The following CEACAM21 variants were observed in gnomAD, a reference collection of about 807,000 sequenced individuals.
CEACAM21 encodes the protein CEA cell adhesion molecule 21, also known as cell adhesion molecule CEACAM21.
In CEACAM21, 38 loss-of-function variants were observed where a neutral mutation model predicts 33.2. The observed-to-expected ratio is 1.14, with a 90% confidence interval of 0.88 to 1.50. The LOEUF (loss-of-function observed/expected upper bound fraction) is 1.50. Ranked by LOEUF, CEACAM21 falls within the 40% of genes most tolerant of loss-of-function variation. CEACAM21 has a pLI of 0.00. For synonymous variants in CEACAM21, 156 were observed against 143.0 expected (o/e 1.09, Z -0.65); for missense variants, 385 against 364.6 (o/e 1.06, Z -0.46).
chr19:41,559,312 A>G (rs2041727612), intron 1 of CEACAM21, among the ~76,000 whole-genome samples: 1 of 152,266 alleles, frequency 6.6e-6, no homozygotes, highest in South Asian at 2.1e-4. Flanking sequence ...AACATTTCAA[A>G]TAAAACATCA....
intron 1 of CEACAM21, among the ~76,000 whole-genome samples, chr19:41,552,947 G>GTTTTCACAGCCTTTAAACTGTGTCC (rs1555784771): frequency 6.7e-6 from 1 of 149,228 alleles, no homozygotes. Context: ...GGGAAAAAGG[G>GTTTTCACAGCCTTTAAACTGTGTCC]AAAGAAAAAG....
At chr19:41,556,258 C>G (rs1235666695) in intron 1 of CEACAM21, among the ~76,000 whole-genome samples, 1 of 152,220 alleles carries the variant, frequency 6.6e-6, no homozygotes, top group Non-Finnish European at 1.5e-5. Flanking sequence ...AACCAAGCAC[C>G]TATTTGTTTT....
chr19:41,577,499 C>T lies in CEACAM21; in HGVS notation c.364C>T (p.Leu122=). ...CCTAGAGGACACGGGATACTACAAC[C>T]TACAAGTCACATACAGAAATTCTCA... ...VTLEDTGYYN[L]QVTYRNSQIE... Residue 122 remains leucine, a synonymous_variant, in exon 2 of 7, where the codon CTA becomes TTA. Transcript: ENST00000401445. The T allele has an allele frequency of 6.2e-7, 1 of 1,614,094 alleles. No homozygotes were observed. Among genetic ancestry groups the T allele is most frequent in the Non-Finnish European group, 8.5e-7 (1 of 1,180,008 alleles).
intron 1 of CEACAM21, among the ~76,000 whole-genome samples, chr19:41,557,406 G>A (rs1340697867): frequency 6.6e-6 from 1 of 152,176 alleles, no homozygotes; most frequent in East Asian, 1.9e-4. Context: ...GTTCCTGGGT[G>A]AGCCAATTTG....
chr19:41,582,530 C>T (rs2098061), intron 3 of CEACAM21, among the ~76,000 whole-genome samples: 38,144 of 152,138 alleles, frequency 0.25, 5,191 homozygotes, highest in African/African-American at 0.34. Flanking sequence ...CAGCAAACTT[C>T]CACCTGGACA....
intron 1 of CEACAM21, chr19:41,551,209 GAGTGTA>G (rs556384601): frequency 7.0e-6 from 1 of 143,392 alleles, no homozygotes; most frequent in Non-Finnish European, 1.5e-5. Flanking sequence ...GCCCAGGCTG[GAGTGTA>G]ATGGTGCGAT....
At chr19:41,575,245 T>C (rs1286656825), upstream of CEACAM21, among the ~76,000 whole-genome samples, 1 of 152,210 alleles carries the variant, frequency 6.6e-6, no homozygotes, top group Non-Finnish European at 1.5e-5. Flanking sequence ...ATGAAGATTT[T>C]CTGGTAAAAA....
chr19:41,586,455 T>C lies in CEACAM21; in HGVS notation c.*1-9T>C, dbSNP rs368853081. The stretch of plus-strand genomic sequence containing the variant: ...CTCAGGGGTCAAGACCTCTTCTCTG[T>C]TTTTACAGGAATTGCTACACTCTGA... On this transcript the variant is annotated splice_polypyrimidine_tract_variant and intron_variant, in intron 6 of 6. Coordinates refer to ENST00000401445, the MANE Select transcript of CEACAM21 (RefSeq NM_001098506.4). The C allele has an allele frequency of 3.1e-6, 2 of 639,240 alleles. No homozygotes were observed. Among genetic ancestry groups the C allele is most frequent in the African/African-American group, 3.7e-5 (2 of 54,498 alleles). 39.6% of individuals were successfully genotyped at this position (639,240 alleles called of 1,614,324 possible). A position where few individuals can be genotyped will look rare whatever the true frequency, so the allele number is the denominator to read the frequency against.
chr19:41,584,059 G>C (rs2070521080), intron 3 of CEACAM21, among the ~76,000 whole-genome samples: 1 of 152,174 alleles, frequency 6.6e-6, no homozygotes, highest in Non-Finnish European at 1.5e-5. Flanking sequence ...AGGGGGAAGA[G>C]GAGTGATGTG....
chr19:41,572,835 G>A (rs1256292268), upstream of CEACAM21, among the ~76,000 whole-genome samples: 1 of 152,184 alleles, frequency 6.6e-6, no homozygotes, highest in African/African-American at 2.4e-5. Flanking sequence ...CTCACGAGGT[G>A]GTTCTGCTTC....
chr19:41,566,352 A>C (rs907589256), intron 2 of CEACAM21, among the ~76,000 whole-genome samples: 1 of 152,236 alleles, frequency 6.6e-6, no homozygotes, highest in South Asian at 2.1e-4. Flanking sequence ...AAATAAATCA[A>C]GGTTGGATTT....
upstream of CEACAM21, chr19:41,576,137 A>C (rs1244062315): frequency 1.0e-6 from 1 of 962,890 alleles, no homozygotes; most frequent in African/African-American, 1.7e-5. Context: ...CATAAACGGG[A>C]AGTGCTCCTG....
chr19:41,554,894 TA>T (rs2041446333), intron 1 of CEACAM21: 1 of 152,104 alleles, frequency 6.6e-6, no homozygotes. Flanking sequence ...ACAACTTGCT[TA>T]AACATTTAGC....
chr19:41,564,098 C>T (rs1455841125), intron 1 of CEACAM21, among the ~76,000 whole-genome samples: 1 of 152,142 alleles, frequency 6.6e-6, no homozygotes, highest in Non-Finnish European at 1.5e-5. Context: ...AGCTCAGGTT[C>T]TCTGAGTGGG....
chr19:41,574,549 T>TA (rs2042808792), upstream of CEACAM21, among the ~76,000 whole-genome samples: 1 of 152,074 alleles, frequency 6.6e-6, no homozygotes, highest in Non-Finnish European at 1.5e-5. Context: ...AATAGTTCTC[T>TA]AAAAAATATT....
At chr19:41,573,017 A>T (rs1457632411), upstream of CEACAM21, among the ~76,000 whole-genome samples, 1 of 152,076 alleles carries the variant, frequency 6.6e-6, no homozygotes, top group African/African-American at 2.4e-5. Context: ...GAGGATCCAG[A>T]CCCCTGTGCC....
chr19:41,571,557 A>G (rs1362110498), upstream of CEACAM21, among the ~76,000 whole-genome samples: 5 of 152,244 alleles, frequency 3.3e-5, no homozygotes, highest in African/African-American at 9.6e-5. Context: ...CATCTCAGCC[A>G]TGAATGCAGT....
chr19:41,578,144 C>T (rs575734699), intron 2 of CEACAM21, among the ~76,000 whole-genome samples: 15 of 152,258 alleles, frequency 9.9e-5, no homozygotes, highest in African/African-American at 3.4e-4. Flanking sequence ...ACCTGAGAGT[C>T]AGAGTGGAGA....
At chr19:41,566,619 T>C (rs1404792021) in intron 2 of CEACAM21, among the ~76,000 whole-genome samples, 1 of 152,228 alleles carries the variant, frequency 6.6e-6, no homozygotes, top group African/African-American at 2.4e-5. Context: ...GTGAGATTGG[T>C]CTATAATTTT....
Sources: gnomAD v4.1 joint callset for allele counts (sites outside exome capture counted in the v4.1 genomes callset) on GRCh38, gnomAD v4.1.1 for gene constraint, MANE v1.5 for transcripts, NCBI Gene and HGNC (gene_info 2026-07-23, HGNC 2026-07-21) for gene names.